Variants in GLE1 observed in about 807,000 individuals in gnomAD.
GLE1 encodes the protein mRNA export factor GLE1.
In GLE1, 78 loss-of-function variants were observed where a neutral mutation model predicts 97.3. That is an observed-to-expected ratio of 0.80 (90% CI 0.67 to 0.97). The LOEUF (loss-of-function observed/expected upper bound fraction) is 0.97. Ranked by LOEUF, GLE1 falls within the 50% of genes least tolerant of loss-of-function variation. GLE1 has a pLI of 0.00. For missense variants in GLE1, 753 were observed against 857.5 expected, an observed-to-expected ratio of 0.88 and a Z score of 1.52; for synonymous variants, 302 against 313.4, an observed-to-expected ratio of 0.96 and a Z score of 0.39.
chr9:128,505,768 C>T (rs1434018251), intron 1 of GLE1, among the ~76,000 whole-genome samples: 2 of 152,146 alleles, frequency 1.3e-5, no homozygotes, highest in East Asian at 1.9e-4. Context: ...CGTCATTTTT[C>T]CCTTAGTAAT....
At chr9:128,519,311 G>C (rs1847073056) in intron 3 of GLE1, among the ~76,000 whole-genome samples, 1 of 152,210 alleles carries the variant, frequency 6.6e-6, no homozygotes, top group Non-Finnish European at 1.5e-5. Flanking sequence ...GGTGAGCTGG[G>C]CAGAACAAAG....
intron 11 of GLE1, among the ~76,000 whole-genome samples, chr9:128,534,666 C>T (rs1416656016): frequency 6.6e-6 from 1 of 151,960 alleles, no homozygotes; most frequent in Admixed American, 6.6e-5. Context: ...GCTTGGTAAA[C>T]AAAGTATTCT....
At position 128,541,191 on chromosome 9, in the gene GLE1, T is replaced by A. The variant is rs1416798791; in HGVS notation, c.*21T>A. The A allele has an allele frequency of 3.0e-6, 4 of 1,351,242 alleles. No homozygotes were observed. 83.7% of individuals were successfully genotyped at this position (1,351,242 alleles called of 1,614,324 possible). ...CCTGATGTCACTCCATCACCCACCA[T>A]CACCGCTGCTGCAAAGAGGCAATAA... On this transcript the variant is annotated 3_prime_UTR_variant, in exon 16 of 16. Coordinates refer to ENST00000309971, the MANE Select transcript of GLE1 (RefSeq NM_001003722.2).
intron 9 of GLE1, among the ~76,000 whole-genome samples, chr9:128,528,039 G>A (rs1330508319): frequency 1.7e-5 from 2 of 120,054 alleles, no homozygotes; most frequent in African/African-American, 3.2e-5. Flanking sequence ...TTGCTCTGTC[G>A]CCCAGGCTGG....
At chr9:128,529,321 T>G (rs1475900487) in intron 9 of GLE1, among the ~76,000 whole-genome samples, 1 of 152,128 alleles carries the variant, frequency 6.6e-6, no homozygotes, top group Non-Finnish European at 1.5e-5. Context: ...CACTGCACAG[T>G]GACATTTACC....
At chr9:128,509,842 C>T (rs1846753287) in intron 2 of GLE1, among the ~76,000 whole-genome samples, 1 of 151,932 alleles carries the variant, frequency 6.6e-6, no homozygotes, top group African/African-American at 2.4e-5. Flanking sequence ...GCTTGTTGTC[C>T]TAGCTACTTG....
At chr9:128,509,135 G>C (rs1041997835) in intron 2 of GLE1, 38 bp downstream of exon 2, 2 of 1,205,712 alleles carry the variant, frequency 1.7e-6, no homozygotes, top group Non-Finnish European at 2.5e-6. Context: ...AGACATGGTG[G>C]CTGCAAAGTC....
chr9:128,513,974 C>T (rs1213701882), intron 2 of GLE1, among the ~76,000 whole-genome samples: 6 of 147,776 alleles, frequency 4.1e-5, no homozygotes, highest in Admixed American at 6.8e-5. Context: ...GCCGAGATTG[C>T]GCTACTGCAC....
chr9:128,523,249 T>C (rs757952507), intron 4 of GLE1, 31 bp from the exon 5 acceptor site: 1 of 1,527,520 alleles, frequency 6.5e-7, no homozygotes, highest in Non-Finnish European at 9.1e-7. Context: ...GAAGTATCCC[T>C]GACTATTCCT....
chr9:128,518,476 A>G (rs1359406252), intron 3 of GLE1, among the ~76,000 whole-genome samples: 6 of 151,466 alleles, frequency 4.0e-5, no homozygotes, highest in African/African-American at 1.5e-4. Context: ...CTGGACAATC[A>G]CTCGAACCTG....
chr9:128,530,637 C>T (rs781438960), intron 9 of GLE1, among the ~76,000 whole-genome samples: 7 of 152,072 alleles, frequency 4.6e-5, no homozygotes, highest in Non-Finnish European at 7.4e-5. Flanking sequence ...GGGCCGGGCG[C>T]GGTGGTTCAC....
chr9:128,533,478 G>T, intron 9 of GLE1, 35 bp from the exon 10 acceptor site: 1 of 1,437,952 alleles, frequency 7.0e-7, no homozygotes, highest in Non-Finnish European at 9.8e-7. Context: ...ATTGATCTGT[G>T]GTTATATCTT....
chr9:128,531,875 G>T (rs962285524), intron 9 of GLE1, among the ~76,000 whole-genome samples: 6 of 149,000 alleles, frequency 4.0e-5, no homozygotes, highest in Non-Finnish European at 8.9e-5. Flanking sequence ...TGAGTGGTTA[G>T]AATTAGAAGA....
Position 128,527,446 on chromosome 9 carries a change from C to A in GLE1, c.1243-10C>A, listed in dbSNP as rs771917755. On this transcript the variant is annotated splice_polypyrimidine_tract_variant and intron_variant, in intron 8 of 15. Transcript: ENST00000309971. ...CAGAACACTGCTTTCTCACTGTTCT[C>A]TTCTGGCAGGCCAAAAAGATAAAGA... 6.2e-7 allele frequency: 1 copy of A among 1,606,034 alleles called. No individual in the cohort carries two copies. The highest frequency in any genetic ancestry group is 8.5e-7 in the Non-Finnish European group (1 of 1,172,674).
chr9:128,506,654 G>A (rs1323875993), intron 1 of GLE1, among the ~76,000 whole-genome samples: 1 of 152,116 alleles, frequency 6.6e-6, no homozygotes, highest in Non-Finnish European at 1.5e-5. Flanking sequence ...TCTTGATTGG[G>A]TACCATTGCT....
chr9:128,526,162 C>T (rs28361547), intron 7 of GLE1, among the ~76,000 whole-genome samples: 39,004 of 150,304 alleles, frequency 0.26, 5,598 homozygotes, highest in East Asian at 0.39. Flanking sequence ...GCTGGGATTA[C>T]AGGTGCCTGC....
At chr9:128,519,714 G>A (rs9695191) in intron 3 of GLE1, among the ~76,000 whole-genome samples, 150,504 of 152,308 alleles carry the variant, frequency 0.99, 74,384 homozygotes, top group Middle Eastern at 1. Flanking sequence ...GTGATATTCT[G>A]TTACCTTGTG....
intron 9 of GLE1, among the ~76,000 whole-genome samples, chr9:128,530,351 A>G (rs778848603): frequency 4.6e-5 from 7 of 152,150 alleles, no homozygotes; most frequent in Non-Finnish European, 8.8e-5. Flanking sequence ...AGTAATCAGT[A>G]GCACCATTAT....
Position 128,533,830 on chromosome 9 carries a change from A to C in GLE1, c.1525A>C (p.Ile509Leu). The C allele has an allele frequency of 6.2e-7, 1 of 1,613,778 alleles. No homozygotes were observed. The highest frequency in any genetic ancestry group is 1.3e-5 in the African/African-American group (1 of 75,022). ...CCCCATTGCAGTTGTGGCATCCGGG[A>C]TCTGGGAGCTCCACCCCAGAGTGGG... The part of the protein sequence containing the change: ...AFPIAVVASG[I>L]WELHPRVGDL... The change falls in exon 11 of 16, where the codon ATC becomes CTC. Residue 509 changes from isoleucine to leucine, a missense_variant. Ile to Leu is a conservative substitution (Grantham distance 5, BLOSUM62 2). Transcript: ENST00000309971.
Sources: allele counts gnomAD v4.1 joint callset (sites outside exome capture counted in the v4.1 genomes callset), GRCh38; gene constraint gnomAD v4.1.1; transcripts MANE v1.5; gene names NCBI Gene and HGNC (gene_info 2026-07-23, HGNC 2026-07-21).